PTPRD: variants seen among roughly 807,000 people sequenced by gnomAD.
PTPRD encodes protein tyrosine phosphatase receptor type D, also known as receptor-type tyrosine-protein phosphatase delta.
PTPRD carries 34 observed loss-of-function variants against 214.5 expected under a neutral mutation model. That is an observed-to-expected ratio of 0.16 (90% CI 0.12 to 0.21). The LOEUF (loss-of-function observed/expected upper bound fraction) is 0.21, where lower values mean the gene tolerates loss of function less well. Ranked by LOEUF, PTPRD falls within the 10% of genes least tolerant of loss-of-function variation. The pLI, the probability that PTPRD is intolerant of heterozygous loss-of-function variation, is 1.00. For synonymous variants in PTPRD, 1,128 were observed against 845.7 expected (o/e 1.33, Z -5.79); for missense variants, 2,545 against 2,398.7 (o/e 1.06, Z -1.27).
intron 10 of PTPRD, among the ~76,000 whole-genome samples, chr9:9,179,682 G>A (rs1009004844): frequency 1.3e-5 from 2 of 152,066 alleles, no homozygotes; most frequent in Non-Finnish European, 2.9e-5. Context: ...CACTTAAGGA[G>A]GAACTGGCAG....
chr9:9,686,173 T>C (rs10759087), intron 7 of PTPRD, among the ~76,000 whole-genome samples: 45,267 of 151,062 alleles, frequency 0.3, 7,110 homozygotes, highest in Admixed American at 0.44. Context: ...TTTTCAAATG[T>C]TACGTATATA....
At chr9:8,526,516 A>AG (rs2074203687) in intron 17 of PTPRD, 111 bp downstream of exon 17, 1 of 914,132 alleles carries the variant, frequency 1.1e-6, no homozygotes, top group Admixed American at 2.8e-5. Context: ...AAAAAAAAAA[A>AG]GTTGATGGAC....
intron 11 of PTPRD, among the ~76,000 whole-genome samples, chr9:8,936,427 CAAAAAAA>C (rs1181403459): frequency 1.3e-4 from 4 of 31,640 alleles, no homozygotes; most frequent in African/African-American, 4.9e-4. Context: ...ACCCTGCCTC[CAAAAAAA>C]AAAAAAAAAA....
intron 4 of PTPRD, among the ~76,000 whole-genome samples, chr9:9,944,374 A>G (rs1179486326): frequency 5.3e-5 from 8 of 152,000 alleles, no homozygotes; most frequent in Non-Finnish European, 1.0e-4. Flanking sequence ...TTGAGTATCT[A>G]CTATGTGCTA....
intron 3 of PTPRD, among the ~76,000 whole-genome samples, chr9:10,052,443 T>A (rs1196052958): frequency 6.6e-6 from 1 of 152,058 alleles, no homozygotes; most frequent in African/African-American, 2.4e-5. Context: ...CAACTGTAAC[T>A]TGAAAATACT....
At chr9:10,212,462 G>A (rs1425397370) in intron 3 of PTPRD, among the ~76,000 whole-genome samples, 1 of 152,082 alleles carries the variant, frequency 6.6e-6, no homozygotes, top group Non-Finnish European at 1.5e-5. Context: ...TATTAAAGAT[G>A]AAATTTCAAT....
At chr9:9,578,398 T>C (rs1435415591) in intron 7 of PTPRD, among the ~76,000 whole-genome samples, 1 of 152,084 alleles carries the variant, frequency 6.6e-6, no homozygotes, top group Non-Finnish European at 1.5e-5. Context: ...AATTGGCATC[T>C]TAGATGGTGA....
intron 10 of PTPRD, among the ~76,000 whole-genome samples, chr9:9,086,070 T>C (rs2099766637): frequency 6.6e-6 from 1 of 152,252 alleles, no homozygotes; most frequent in Admixed American, 6.5e-5. Flanking sequence ...GTGATTCTGT[T>C]AATGATTAAC....
At chr9:9,609,682 G>A (rs568446438) in intron 7 of PTPRD, among the ~76,000 whole-genome samples, 99 of 152,186 alleles carry the variant, frequency 6.5e-4, no homozygotes, top group African/African-American at 2.2e-3. Context: ...AGGCTGGTCT[G>A]GATCTCCCAA....
intron 2 of PTPRD, among the ~76,000 whole-genome samples, chr9:10,478,727 T>C (rs984504107): frequency 2.6e-5 from 4 of 151,272 alleles, no homozygotes; most frequent in Admixed American, 2.0e-4. Flanking sequence ...CTGTAATATA[T>C]ATGTATATGT....
intron 8 of PTPRD, among the ~76,000 whole-genome samples, chr9:9,552,263 TAA>T: frequency 6.6e-6 from 1 of 152,014 alleles, no homozygotes; most frequent in Non-Finnish European, 1.5e-5. Flanking sequence ...AAGCAGTACA[TAA>T]AGAGTATTGA....
intron 14 of PTPRD, among the ~76,000 whole-genome samples, chr9:8,538,127 C>G (rs1361174106): frequency 6.6e-6 from 1 of 151,876 alleles, no homozygotes; most frequent in Non-Finnish European, 1.5e-5. Flanking sequence ...AATATCCATC[C>G]ACTTTCACAA....
chr9:10,329,224 A>G (rs1054375678), intron 3 of PTPRD, among the ~76,000 whole-genome samples: 3 of 151,808 alleles, frequency 2.0e-5, no homozygotes, highest in African/African-American at 7.2e-5. Context: ...ATATCATTTG[A>G]CAATAAATCG....
chr9:8,416,222 C>T (rs2093925748), intron 35 of PTPRD, among the ~76,000 whole-genome samples: 1 of 151,938 alleles, frequency 6.6e-6, no homozygotes, highest in African/African-American at 2.4e-5. Context: ...GAAAGATAAA[C>T]TTTTACTGTT....
At chr9:8,780,942 G>C (rs2095668852) in intron 11 of PTPRD, among the ~76,000 whole-genome samples, 1 of 152,170 alleles carries the variant, frequency 6.6e-6, no homozygotes, top group Non-Finnish European at 1.5e-5. Flanking sequence ...GCTGTGGTCA[G>C]ATATTGTAAG....
chr9:10,421,742 T>A (rs1231860323), intron 2 of PTPRD, among the ~76,000 whole-genome samples: 1 of 151,964 alleles, frequency 6.6e-6, no homozygotes, highest in African/African-American at 2.4e-5. Flanking sequence ...ACTTGCTTGT[T>A]ATTTTCGTTT....
chr9:9,746,438 C>A (rs1564937234), intron 6 of PTPRD, among the ~76,000 whole-genome samples: 2 of 152,070 alleles, frequency 1.3e-5, no homozygotes, highest in Non-Finnish European at 2.9e-5. Flanking sequence ...GTAATTAGCA[C>A]AATGAGGAAC....
chr9:10,166,348 C>T (rs2099159110), intron 3 of PTPRD, among the ~76,000 whole-genome samples: 1 of 150,300 alleles, frequency 6.7e-6, no homozygotes, highest in Non-Finnish European at 1.5e-5. Context: ...GAACAAAGCA[C>T]TTGCTTTTTT....
chr9:9,361,980 T>G (rs2056330763), intron 9 of PTPRD, among the ~76,000 whole-genome samples: 1 of 151,080 alleles, frequency 6.6e-6, no homozygotes, highest in Non-Finnish European at 1.5e-5. Flanking sequence ...AAACTCCTTT[T>G]GGAAGAGCCA....
Sources: allele counts gnomAD v4.1 joint callset (sites outside exome capture counted in the v4.1 genomes callset), GRCh38; gene constraint gnomAD v4.1.1; transcripts MANE v1.5; gene names NCBI Gene and HGNC (gene_info 2026-07-23, HGNC 2026-07-21).